KCNH8: variants seen among roughly 807,000 people sequenced by gnomAD.
The protein encoded by KCNH8 is voltage-gated delayed rectifier potassium channel KCNH8.
A neutral mutation model predicts 103.6 loss-of-function variants in KCNH8; 70 were observed. The ratio of observed to expected loss-of-function variants is 0.68; its 90% confidence interval spans 0.56 to 0.82. The LOEUF is 0.82. Among genes scored for constraint, KCNH8 ranks in the 40% least tolerant of loss-of-function variants. KCNH8 has a pLI of 0.00. For synonymous variants in KCNH8, 498 were observed against 489.4 expected (o/e 1.02, Z -0.23); for missense variants, 1,217 against 1,329.9 (o/e 0.92, Z 1.32).
intron 1 of KCNH8, among the ~76,000 whole-genome samples, chr3:19,231,951 C>T (rs372051214): frequency 5.3e-5 from 8 of 152,096 alleles, no homozygotes; most frequent in Admixed American, 2.0e-4. Flanking sequence ...TTAATTGCCG[C>T]GAGTTTTGAG....
intron 1 of KCNH8, among the ~76,000 whole-genome samples, chr3:19,237,297 T>C (rs2064078877): frequency 6.6e-6 from 1 of 152,156 alleles, no homozygotes; most frequent in Non-Finnish European, 1.5e-5. Context: ...CAAAGGCATC[T>C]TTCCTCCAGT....
At chr3:19,158,341 C>T (rs1002385685) in intron 1 of KCNH8, among the ~76,000 whole-genome samples, 1 of 151,366 alleles carries the variant, frequency 6.6e-6, no homozygotes, top group South Asian at 2.1e-4. Flanking sequence ...TATTTTAGTA[C>T]TACAATTTTA....
At chr3:19,373,372 C>T (rs1242533559) in intron 5 of KCNH8, among the ~76,000 whole-genome samples, 1 of 152,054 alleles carries the variant, frequency 6.6e-6, no homozygotes, top group East Asian at 1.9e-4. Flanking sequence ...TTATCCATTT[C>T]TTCTAGATTT....
chr3:19,514,503 T>A (rs1009168229), intron 13 of KCNH8, among the ~76,000 whole-genome samples: 16 of 151,944 alleles, frequency 1.1e-4, no homozygotes, highest in Admixed American at 8.5e-4. Flanking sequence ...ATATGTTCTT[T>A]ATAGAGAAAA....
At chr3:19,209,402 T>G (rs1044240905) in intron 1 of KCNH8, among the ~76,000 whole-genome samples, 1 of 151,994 alleles carries the variant, frequency 6.6e-6, no homozygotes, top group Non-Finnish European at 1.5e-5. Flanking sequence ...GGCCAAGGAG[T>G]TATGTTTATC....
At chr3:19,185,879 CCTCATGATT>C (rs1263796649) in intron 1 of KCNH8, among the ~76,000 whole-genome samples, 1 of 151,890 alleles carries the variant, frequency 6.6e-6, no homozygotes, top group African/African-American at 2.4e-5. Context: ...TTAAAGTTTT[CCTCATGATT>C]TGCATTCTGA....
At chr3:19,206,214 T>C in intron 1 of KCNH8, among the ~76,000 whole-genome samples, 1 of 126,870 alleles carries the variant, frequency 7.9e-6, no homozygotes, top group South Asian at 2.1e-4. Context: ...TATATATACA[T>C]ACCACAGTTA....
At chr3:19,443,844 T>C (rs897123652) in intron 8 of KCNH8, among the ~76,000 whole-genome samples, 6 of 152,096 alleles carry the variant, frequency 3.9e-5, no homozygotes, top group African/African-American at 1.4e-4. Flanking sequence ...ACTAAAAATT[T>C]GTAAGACTTC....
intron 1 of KCNH8, among the ~76,000 whole-genome samples, chr3:19,151,912 G>A (rs897484574): frequency 5.9e-5 from 9 of 151,866 alleles, no homozygotes; most frequent in South Asian, 2.1e-4. Flanking sequence ...TATGTTTTAT[G>A]GTTTGTATTT....
At chr3:19,289,693 CAA>C (rs1418781121) in intron 3 of KCNH8, among the ~76,000 whole-genome samples, 1 of 151,546 alleles carries the variant, frequency 6.6e-6, no homozygotes, top group African/African-American at 2.4e-5. Flanking sequence ...GGATTCCAGC[CAA>C]ATCTTTTGGC....
At chr3:19,307,737 G>A (rs879780825) in intron 3 of KCNH8, among the ~76,000 whole-genome samples, 3 of 151,840 alleles carry the variant, frequency 2.0e-5, no homozygotes, top group Non-Finnish European at 2.9e-5. Flanking sequence ...AAGAAATCCC[G>A]TCATTCATGG....
intron 11 of KCNH8, among the ~76,000 whole-genome samples, chr3:19,478,464 A>G (rs1332346994): frequency 6.6e-6 from 1 of 152,046 alleles, no homozygotes; most frequent in Non-Finnish European, 1.5e-5. Context: ...TTTTAATAAT[A>G]GCCATTCTCA....
At chr3:19,168,384 T>C (rs969121076) in intron 1 of KCNH8, among the ~76,000 whole-genome samples, 1 of 152,194 alleles carries the variant, frequency 6.6e-6, no homozygotes, top group African/African-American at 2.4e-5. Flanking sequence ...AATGGAATTA[T>C]ATAGTAAGTA....
At chr3:19,424,785 A>C (rs531782905) in intron 7 of KCNH8, among the ~76,000 whole-genome samples, 6 of 152,328 alleles carry the variant, frequency 3.9e-5, no homozygotes, top group Admixed American at 3.9e-4. Context: ...TGGGCAAAGG[A>C]CATGAATAGA....
chr3:19,207,959 T>C (rs1391566187), intron 1 of KCNH8, among the ~76,000 whole-genome samples: 2 of 151,914 alleles, frequency 1.3e-5, no homozygotes, highest in East Asian at 3.9e-4. Context: ...GATTTCAAGA[T>C]TTAAAAAAAA....
chr3:19,177,799 T>C (rs1231570836), intron 1 of KCNH8, among the ~76,000 whole-genome samples: 2 of 152,066 alleles, frequency 1.3e-5, no homozygotes, highest in African/African-American at 4.8e-5. Flanking sequence ...CTTAACCTCT[T>C]CTGTTTATAG....
chr3:19,472,220 G>A (rs946686987), intron 11 of KCNH8, among the ~76,000 whole-genome samples: 3 of 149,162 alleles, frequency 2.0e-5, no homozygotes, highest in African/African-American at 7.5e-5. Context: ...GTGTGTGTGT[G>A]TGTGTGTGTG....
intron 1 of KCNH8, among the ~76,000 whole-genome samples, chr3:19,169,112 A>G (rs963997417): frequency 3.9e-5 from 6 of 152,080 alleles, no homozygotes; most frequent in Admixed American, 1.3e-4. Flanking sequence ...CAGTGACTCA[A>G]TTGCCTGCTC....
chr3:19,282,487 T>G lies in KCNH8; in HGVS notation c.442+1158T>G, dbSNP rs2064770564. ...AAAGGTAAGGATCCTTTGAATAAAA[T>G]TATTCAAACATGTAAGTATATATTC... On this transcript the variant is annotated intron_variant, in intron 3 of 15. Coordinates refer to ENST00000328405, the MANE Select transcript of KCNH8 (RefSeq NM_144633.3). 2.6e-5 allele frequency among the ~76,000 whole-genome samples: 4 copies of G among 152,278 alleles called. No individual in the cohort carries two copies. In the South Asian group the frequency reaches 8.3e-4, roughly 32 times the overall value.
Sources: allele counts gnomAD v4.1 joint callset (sites outside exome capture counted in the v4.1 genomes callset), GRCh38; gene constraint gnomAD v4.1.1; transcripts MANE v1.5; gene names NCBI Gene and HGNC (gene_info 2026-07-23, HGNC 2026-07-21).